The following PTPRD variants were observed in gnomAD, a reference collection of about 807,000 sequenced individuals.
PTPRD encodes the protein protein tyrosine phosphatase receptor type D, also known as receptor-type tyrosine-protein phosphatase delta.
PTPRD carries 34 observed loss-of-function variants against 214.5 expected under a neutral mutation model. The ratio of observed to expected loss-of-function variants is 0.16; its 90% CI spans 0.12 to 0.21. PTPRD has a LOEUF of 0.21. PTPRD is among the 10% of genes least tolerant of loss of function. The pLI is 1.00. For synonymous variants in PTPRD, 1,128 were observed against 845.7 expected, an observed-to-expected ratio of 1.33 and a Z score of -5.79; for missense variants, 2,545 against 2,398.7, an observed-to-expected ratio of 1.06 and a Z score of -1.27.
intron 10 of PTPRD, among the ~76,000 whole-genome samples, chr9:9,122,694 T>C (rs1569547842): frequency 6.6e-6 from 1 of 152,216 alleles, no homozygotes; most frequent in South Asian, 2.1e-4. Flanking sequence ...TAACCTTGGA[T>C]TGAAATCCTG....
chr9:8,396,676 C>T (rs79886896), intron 36 of PTPRD, among the ~76,000 whole-genome samples: 3,208 of 152,100 alleles, frequency 0.021, 95 homozygotes, highest in African/African-American at 0.072. Context: ...TTCTCTTTTC[C>T]GGGTAAGAAA....
intron 2 of PTPRD, among the ~76,000 whole-genome samples, chr9:10,388,036 C>T (rs971552199): frequency 6.6e-6 from 1 of 151,460 alleles, no homozygotes; most frequent in Non-Finnish European, 1.5e-5. Context: ...TTCACTGATT[C>T]ATTCCTTCAG....
chr9:8,536,121 T>C, intron 14 of PTPRD, among the ~76,000 whole-genome samples: 1 of 151,954 alleles, frequency 6.6e-6, no homozygotes, highest in East Asian at 1.9e-4. Flanking sequence ...ATATCCTACA[T>C]GTAGTAAAAA....
At chr9:10,536,124 G>A (rs146212310) in intron 2 of PTPRD, among the ~76,000 whole-genome samples, 1 of 152,068 alleles carries the variant, frequency 6.6e-6, no homozygotes, top group African/African-American at 2.4e-5. Context: ...CTAATCCATA[G>A]AGCCAAATTC....
intron 33 of PTPRD, among the ~76,000 whole-genome samples, chr9:8,455,646 C>G (rs956463240): frequency 6.6e-6 from 1 of 152,164 alleles, no homozygotes; most frequent in African/African-American, 2.4e-5. Flanking sequence ...TACAAACACA[C>G]ACATACAAAG....
At chr9:10,367,521 A>C (rs1242839400) in intron 2 of PTPRD, among the ~76,000 whole-genome samples, 8 of 152,166 alleles carry the variant, frequency 5.3e-5, no homozygotes. Context: ...TGAAAGTTTC[A>C]CGTCCTGGAA....
At chr9:8,546,131 C>T (rs1218738073) in intron 14 of PTPRD, among the ~76,000 whole-genome samples, 1 of 152,190 alleles carries the variant, frequency 6.6e-6, no homozygotes, top group Non-Finnish European at 1.5e-5. Context: ...CTTAAAATGA[C>T]AGTCAAAACA....
At position 9,042,307 on chromosome 9, in the gene PTPRD, G is replaced by C. The variant is rs2099642540; in HGVS notation, c.-142-23572C>G. ...AAATCCTGAGGGGAAATGTGGATGG[G>C]TTCCGGCAAGATCAAATAAACATCT... On this transcript the variant is annotated intron_variant, in intron 10 of 45. Transcript: ENST00000381196. Among the ~76,000 whole-genome samples the C allele has an allele frequency of 2.0e-5, 3 of 152,136 alleles. No individual in the cohort carries two copies. The South Asian group carries it at 6.2e-4, about 32-fold the overall frequency.
Position 8,511,181 on chromosome 9 carries a change from A to G in PTPRD, c.1544-3747T>C, listed in dbSNP as rs111694420. ...CCTCCAGGTCTCAAGTGCTCCTTCC[A>G]CCTCAGCCCCCTGAGTAGCTGAGAG... On this transcript the variant is annotated intron_variant, in intron 21 of 45. Coordinates refer to ENST00000381196, the MANE Select transcript of PTPRD (RefSeq NM_002839.4). Among the ~76,000 whole-genome samples the G allele has an allele frequency of 2.0e-3, 299 of 152,152 alleles. 4 individuals carry two copies. Among genetic ancestry groups the G allele is most frequent in the African/African-American group, 6.4e-3 (265 of 41,514 alleles).
In PTPRD at chr9:8,466,775, G is replaced by C. The variant is rs566198879; in HGVS notation, c.3505-1100C>G. ...AAGGAATGAACCTTGTCTTCACCTT[G>C]ATAAACAAAATTAAGATACTTATGG... On this transcript the variant is annotated intron_variant, in intron 31 of 45. Transcript: ENST00000381196. Among the ~76,000 whole-genome samples the C allele has an allele frequency of 1.3e-4, 19 of 151,888 alleles. No homozygotes were observed. The South Asian group carries it at 2.3e-3, about 18-fold the overall frequency.
chr9:9,869,097 A>G (rs56923923), intron 5 of PTPRD, among the ~76,000 whole-genome samples: 19,997 of 152,128 alleles, frequency 0.13, 1,339 homozygotes, highest in Middle Eastern at 0.22. Context: ...AAAACTATGA[A>G]AAATGTATGA....
intron 3 of PTPRD, among the ~76,000 whole-genome samples, chr9:10,322,371 G>C (rs1391030163): frequency 6.6e-6 from 1 of 152,054 alleles, no homozygotes; most frequent in Non-Finnish European, 1.5e-5. Flanking sequence ...CACAATTGCA[G>C]GCTGAGTCAG....
chr9:8,633,769 C>T (rs930066582), intron 13 of PTPRD, among the ~76,000 whole-genome samples: 3 of 152,130 alleles, frequency 2.0e-5, no homozygotes, highest in African/African-American at 2.4e-5. Flanking sequence ...ATTAATTTTG[C>T]AAGAGGCTTG....
At chr9:9,561,521 C>G (rs1383627684) in intron 8 of PTPRD, among the ~76,000 whole-genome samples, 1 of 152,134 alleles carries the variant, frequency 6.6e-6, no homozygotes, top group African/African-American at 2.4e-5. Context: ...TATCATCAAA[C>G]CATTTGGGGT....
At chr9:9,493,332 C>A (rs1332186981) in intron 8 of PTPRD, among the ~76,000 whole-genome samples, 1 of 152,034 alleles carries the variant, frequency 6.6e-6, no homozygotes, top group Admixed American at 6.6e-5. Flanking sequence ...AAAAAGATTT[C>A]TTTCCAAATA....
chr9:8,643,581 G>A (rs2096623578), intron 12 of PTPRD, among the ~76,000 whole-genome samples: 1 of 152,128 alleles, frequency 6.6e-6, no homozygotes, highest in Admixed American at 6.5e-5. Flanking sequence ...GGGAATAGGG[G>A]ACCCACCACC....
intron 29 of PTPRD, 46 bp from the exon 30 acceptor site, chr9:8,484,424 G>A (rs1267010365): frequency 1.3e-6 from 2 of 1,559,668 alleles, no homozygotes; most frequent in Non-Finnish European, 1.7e-6. Context: ...TATCAGAGAG[G>A]CAAAATATAT....
chr9:8,340,325 C>A lies in PTPRD; in HGVS notation c.5253+18G>T, dbSNP rs2132342023. On this transcript the variant is annotated intron_variant, in intron 42 of 45. Coordinates refer to ENST00000381196, the MANE Select transcript of PTPRD (RefSeq NM_002839.4). ...AGTAAATGTCTTATGAGGAGACACACAAGGGCCACACACTTACTCTGCCCA... is the reference window on the plus strand; with the variant it reads ...AGTAAATGTCTTATGAGGAGACACAAAAGGGCCACACACTTACTCTGCCCA... 6.3e-7 allele frequency: 1 copy of A among 1,583,214 alleles called. No individual in the cohort carries two copies. Among genetic ancestry groups the A allele is most frequent in the Non-Finnish European group, 8.6e-7 (1 of 1,157,644 alleles).
chr9:8,981,606 A>C (rs2099313107), intron 11 of PTPRD, among the ~76,000 whole-genome samples: 1 of 152,078 alleles, frequency 6.6e-6, no homozygotes, highest in Non-Finnish European at 1.5e-5. Context: ...CTGTTAATAC[A>C]ATAAATAATA....
Sources: allele counts gnomAD v4.1 joint callset (sites outside exome capture counted in the v4.1 genomes callset), GRCh38; gene constraint gnomAD v4.1.1; transcripts MANE v1.5; gene names NCBI Gene and HGNC (gene_info 2026-07-23, HGNC 2026-07-21).